DOP1B: variants seen among roughly 807,000 people sequenced by gnomAD.
The protein encoded by DOP1B is protein DOP1B.
In DOP1B, 174 loss-of-function variants were observed where a neutral mutation model predicts 233.5. That is an observed-to-expected ratio of 0.75 (90% CI 0.66 to 0.85). DOP1B has a LOEUF of 0.85. Among genes scored for constraint, DOP1B ranks in the 40% least tolerant of loss-of-function variants. The pLI, the probability that DOP1B is intolerant of heterozygous loss-of-function variation, is 0.00. For synonymous variants in DOP1B, 1,190 were observed against 1,185.6 expected (o/e 1.00, Z -0.08); for missense variants, 2,652 against 2,846.6 (o/e 0.93, Z 1.56).
chr21:36,230,890 A>G lies in DOP1B; in HGVS notation c.2106A>G (p.Ala702=). The G allele has an allele frequency of 6.2e-7, 1 of 1,614,150 alleles. No homozygotes were observed. The highest frequency in any genetic ancestry group is 8.5e-7 in the Non-Finnish European group (1 of 1,180,012). The change falls in exon 14 of 37, where the codon GCA becomes GCG. Residue 702 remains alanine (A), a synonymous_variant. Transcript: ENST00000691173. ...FKQMLSDLFT[A]RGSPFKTKSS... ...AGATGCTGTCAGACTTGTTCACAGC[A>G]CGAGGGTCTCCATTCAAGACAAAAA...
intron 22 of DOP1B, among the ~76,000 whole-genome samples, chr21:36,253,444 C>T (rs977757349): frequency 1.3e-5 from 2 of 152,214 alleles, no homozygotes; most frequent in African/African-American, 4.8e-5. Flanking sequence ...GGCGCGGTGG[C>T]GGCTCATGCC....
chr21:36,179,228 G>A (rs1253421913), intron 2 of DOP1B, among the ~76,000 whole-genome samples: 1 of 152,158 alleles, frequency 6.6e-6, no homozygotes, highest in Non-Finnish European at 1.5e-5. Context: ...GGACATTTGG[G>A]TTGCTTCCAG....
At chr21:36,157,718 A>T (rs767137641) in intron 1 of DOP1B, among the ~76,000 whole-genome samples, 1 of 152,162 alleles carries the variant, frequency 6.6e-6, no homozygotes, top group Non-Finnish European at 1.5e-5. Flanking sequence ...TGTGTCCCAG[A>T]GTTGATTAAG....
chr21:36,211,802 G>T (rs901791418), intron 6 of DOP1B, 151 bp downstream of exon 6: 6 of 1,307,874 alleles, frequency 4.6e-6, no homozygotes, highest in Non-Finnish European at 6.4e-6. Flanking sequence ...ATTTTTGCAA[G>T]GATAGCGTTT....
intron 24 of DOP1B, among the ~76,000 whole-genome samples, chr21:36,262,958 G>A (rs901039687): frequency 6.6e-6 from 1 of 151,582 alleles, no homozygotes; most frequent in Non-Finnish European, 1.5e-5. Context: ...AGAAAGGCCG[G>A]GCGCAGTGGC....
chr21:36,284,566 G>A (rs1451712141), intron 32 of DOP1B, among the ~76,000 whole-genome samples: 1 of 151,986 alleles, frequency 6.6e-6, no homozygotes, highest in Non-Finnish European at 1.5e-5. Flanking sequence ...ACTGCGCCCA[G>A]CCCTGTTCCT....
Position 36,247,552 on chromosome 21 carries a change from A to G in DOP1B, c.4733A>G (p.Tyr1578Cys). The part of the protein sequence containing the change: ...TSKRENISPD[Y>C]PLTLLEGLTT... The stretch of plus-strand genomic sequence containing the variant: ...AAGAGGGAAAACATTTCTCCAGATT[A>G]TCCACTCACCCTTCTAGAAGGTCTA... Residue 1578 changes from tyrosine (Y) to cysteine (C), a missense_variant, in exon 20 of 37, where the codon TAT becomes TGT. This residue lies in a region of DOP1B where 2,617 missense variants were observed against 2,794.3 expected (regional missense o/e 0.94). Coordinates refer to ENST00000691173, the MANE Select transcript of DOP1B (RefSeq NM_001320714.2). 1 of 1,610,684 alleles carries G rather than the reference A, an allele frequency of 6.2e-7. No individual in the cohort carries two copies. The highest frequency in any genetic ancestry group is 8.5e-7 in the Non-Finnish European group (1 of 1,179,162).
intron 9 of DOP1B, among the ~76,000 whole-genome samples, chr21:36,215,869 T>C (rs1488611739): frequency 2.4e-5 from 2 of 83,280 alleles, no homozygotes; most frequent in African/African-American, 4.6e-5. Context: ...AAAAATTAGC[T>C]GGGCATGGTG....
rs566775152 is a variant in DOP1B, at chr21:36,276,371, T to C, written c.5633-650T>C. 3.3e-5 allele frequency among the ~76,000 whole-genome samples: 5 copies of C among 151,916 alleles called. No individual in the cohort carries two copies. The East Asian group carries it at 9.7e-4, about 29-fold the overall frequency. The stretch of plus-strand genomic sequence containing the variant: ...CATAGCAAGACTTTGTCTCTATAAA[T>C]AATTTTAAAATTACCTGGGCGTGGT... On this transcript the variant is annotated intron_variant, in intron 27 of 36. Transcript: ENST00000691173.
chr21:36,176,099 T>TGC (rs2066024412), intron 2 of DOP1B, among the ~76,000 whole-genome samples: 1 of 96,126 alleles, frequency 1.0e-5, no homozygotes, highest in African/African-American at 4.0e-5. Flanking sequence ...TGTGTGTGCG[T>TGC]GTGTGTGTGT....
At chr21:36,184,836 C>T (rs1014434892) in intron 2 of DOP1B, among the ~76,000 whole-genome samples, 5 of 152,338 alleles carry the variant, frequency 3.3e-5, no homozygotes, top group African/African-American at 9.6e-5. Context: ...AGCCACTCTG[C>T]GCCCAATCTG....
chr21:36,158,676 GC>G (rs2065842153), intron 1 of DOP1B, among the ~76,000 whole-genome samples: 3 of 151,804 alleles, frequency 2.0e-5, no homozygotes, highest in African/African-American at 7.3e-5. Context: ...GGTGGCATGC[GC>G]CTGTAGTCCC....
At chr21:36,272,460 G>C (rs2067299310) in intron 27 of DOP1B, among the ~76,000 whole-genome samples, 1 of 150,542 alleles carries the variant, frequency 6.6e-6, no homozygotes, top group Non-Finnish European at 1.5e-5. Flanking sequence ...GACTGGCCTG[G>C]CCAACTTGGC....
chr21:36,204,834 TAGTAGAG>T (rs2066409768), intron 4 of DOP1B, among the ~76,000 whole-genome samples: 1 of 151,938 alleles, frequency 6.6e-6, no homozygotes, highest in African/African-American at 2.4e-5. Flanking sequence ...TTTGTATTTT[TAGTAGAG>T]ACGGAGTTTC....
At position 36,248,360 on chromosome 21, in the gene DOP1B, G is replaced by A. The variant is rs751423413; in HGVS notation, c.4810-20G>A. On this transcript the variant is annotated intron_variant, in intron 20 of 36. Coordinates refer to ENST00000691173, the MANE Select transcript of DOP1B (RefSeq NM_001320714.2). ...ATTCCACAGACACAGCCTGCCTCAT[G>A]TATTCATTTTAATTTTTAGACCATG... 2 of 1,611,756 alleles carry A rather than the reference G, an allele frequency of 1.2e-6. No homozygotes were observed. The highest frequency in any genetic ancestry group is 1.7e-6 in the Non-Finnish European group (2 of 1,178,788).
chr21:36,248,304 T>C, intron 20 of DOP1B, 76 bp from the exon 21 acceptor site: 1 of 1,514,950 alleles, frequency 6.6e-7, no homozygotes. Flanking sequence ...CTAATCCCGC[T>C]AGCACTGCTG....
intron 18 of DOP1B, 112 bp downstream of exon 18, chr21:36,240,067 A>G: frequency 1.6e-6 from 2 of 1,243,916 alleles, no homozygotes; most frequent in African/African-American, 1.5e-5. Flanking sequence ...TTAGATGCAA[A>G]TGGTACTTTG....
intron 24 of DOP1B, 64 bp from the exon 25 acceptor site, chr21:36,263,482 T>G (rs2067196744): frequency 7.1e-7 from 1 of 1,416,732 alleles, no homozygotes; most frequent in Non-Finnish European, 9.9e-7. Flanking sequence ...TTAAATATGC[T>G]TATAAATAAA....
chr21:36,276,651 G>A (rs991402486), intron 27 of DOP1B, among the ~76,000 whole-genome samples: 19 of 152,236 alleles, frequency 1.2e-4, no homozygotes, highest in Admixed American at 3.9e-4. Flanking sequence ...GACCAGCCTG[G>A]CCAACATGGC....
Sources: gnomAD v4.1 joint callset for allele counts (sites outside exome capture counted in the v4.1 genomes callset) on GRCh38, gnomAD v4.1.1 for gene constraint, gnomAD v4.1.1 regional missense constraint, MANE v1.5 for transcripts, NCBI Gene and HGNC (gene_info 2026-07-23, HGNC 2026-07-21) for gene names.